Variants in AFAP1L1 observed in about 807,000 individuals in gnomAD.
The protein encoded by AFAP1L1 is actin filament-associated protein 1-like 1.
Under a neutral mutation model 99.8 loss-of-function variants are expected in AFAP1L1, and 77 were observed. That is an observed-to-expected ratio of 0.77 (90% confidence interval 0.64 to 0.93). AFAP1L1 has a LOEUF of 0.93. Ranked by LOEUF, AFAP1L1 falls within the 40% of genes least tolerant of loss-of-function variation. AFAP1L1 has a pLI of 0.00. For missense variants in AFAP1L1, 893 were observed against 996.8 expected, an observed-to-expected ratio of 0.90 and a Z score of 1.40; for synonymous variants, 373 against 395.3, an observed-to-expected ratio of 0.94 and a Z score of 0.67.
intron 15 of AFAP1L1, among the ~76,000 whole-genome samples, chr5:149,326,545 T>TAAAAAAAAAAA (rs59762007): frequency 7.7e-6 from 1 of 129,660 alleles, no homozygotes; most frequent in African/African-American, 3.0e-5. Context: ...TCGCCAAAAA[T>TAAAAAAAAAAA]AAAAAAAAAA....
intron 17 of AFAP1L1, 117 bp from the exon 18 acceptor site, chr5:149,335,477 C>CT (rs1757380231): frequency 7.4e-7 from 1 of 1,349,872 alleles, no homozygotes; most frequent in Non-Finnish European, 1.0e-6. Context: ...GACAGAGACT[C>CT]TGTCTCAAAA....
chr5:149,324,624 C>A (rs1331957748), intron 15 of AFAP1L1, among the ~76,000 whole-genome samples: 1 of 152,200 alleles, frequency 6.6e-6, no homozygotes, highest in Non-Finnish European at 1.5e-5. Flanking sequence ...GGTCAAGAAT[C>A]TCCAAATGGC....
intron 6 of AFAP1L1, among the ~76,000 whole-genome samples, chr5:149,307,195 C>T (rs546510155): frequency 2.0e-5 from 3 of 151,984 alleles, no homozygotes; most frequent in African/African-American, 4.8e-5. Context: ...TGCAGCGAGC[C>T]GAGATCACGC....
chr5:149,325,905 A>T (rs1279637906), intron 15 of AFAP1L1, among the ~76,000 whole-genome samples: 2 of 152,126 alleles, frequency 1.3e-5, no homozygotes, highest in Non-Finnish European at 2.9e-5. Flanking sequence ...CATGGCCTAA[A>T]TCACCTCTCA....
intron 9 of AFAP1L1, among the ~76,000 whole-genome samples, chr5:149,312,868 T>A (rs2127597702): frequency 6.6e-6 from 1 of 152,260 alleles, no homozygotes; most frequent in South Asian, 2.1e-4. Context: ...GGCTCACGCC[T>A]GTAATCCCAG....
chr5:149,304,423 CAG>C (rs1224671371), intron 5 of AFAP1L1: 1 of 152,228 alleles, frequency 6.6e-6, no homozygotes, highest in Non-Finnish European at 1.5e-5. Flanking sequence ...CACTCAAGGA[CAG>C]GGAACAAAGT....
At position 149,315,842 on chromosome 5, in the gene AFAP1L1, A is replaced by G; in HGVS notation, c.1042A>G (p.Thr348Ala). ...TCAGAGGCTGTCCCAAGAGAAGCAG[A>G]CCTCAGATTCTGACAGCGTGGGTGT... ...LDKRLSQEKQ[T>A]SDSDSVGVGD... The change falls in exon 10 of 19, where the codon ACC (threonine) becomes GCC (alanine). Residue 348 changes from threonine (T) to alanine (A), a missense_variant. Thr to Ala is a moderately conservative substitution (Grantham distance 58). Transcript: ENST00000296721. 1 of 1,614,070 alleles carries G rather than the reference A, an allele frequency of 6.2e-7. No individual in the cohort carries two copies. Among genetic ancestry groups the G allele is most frequent in the Non-Finnish European group, 8.5e-7 (1 of 1,180,000 alleles).
chr5:149,317,871 G>T lies in AFAP1L1; in HGVS notation c.1410G>T (p.Pro470=). ...AIALQGCEVA[P]GFGPRHPFAF... ...CCCTGCAAGGCTGTGAGGTGGCCCCGGGCTTTGGGCCCCGACACCCATTTG... is the reference window on the plus strand; with the variant it reads ...CCCTGCAAGGCTGTGAGGTGGCCCCTGGCTTTGGGCCCCGACACCCATTTG... Residue 470 remains proline (P), a synonymous_variant, in exon 12 of 19, where the codon CCG becomes CCT. Coordinates refer to ENST00000296721, the MANE Select transcript of AFAP1L1 (RefSeq NM_152406.4). 6.2e-7 allele frequency: 1 copy of T among 1,603,132 alleles called. No individual in the cohort carries two copies.
intron 1 of AFAP1L1, among the ~76,000 whole-genome samples, chr5:149,285,466 TA>T (rs1293391823): frequency 3.3e-5 from 5 of 152,190 alleles, no homozygotes; most frequent in African/African-American, 1.2e-4. Flanking sequence ...ATCTCTGTCT[TA>T]CATTGAGAAA....
Position 149,302,436 on chromosome 5 carries a change from C to T in AFAP1L1, c.346C>T (p.Pro116Ser). The T allele has an allele frequency of 6.3e-7, 1 of 1,590,270 alleles. No homozygotes were observed. Residue 116 changes from proline to serine, a missense_variant, in exon 5 of 19, where the codon CCG (proline) becomes TCG (serine). Transcript: ENST00000296721. Reference sequence around the variant, plus strand: ...CTTGCAGGCGGCCGACCTGCCTCCACCGCTCCCCAACAAGCCTCCCCCTGA... The same window carrying T: ...CTTGCAGGCGGCCGACCTGCCTCCATCGCTCCCCAACAAGCCTCCCCCTGA... ...RLRNAADLPP[P>S]LPNKPPPEDY... is the part of the protein sequence containing the mutation.
chr5:149,332,481 C>A (rs1224473414), intron 16 of AFAP1L1, among the ~76,000 whole-genome samples: 3 of 152,110 alleles, frequency 2.0e-5, no homozygotes, highest in Non-Finnish European at 4.4e-5. Context: ...GAAATAGGAA[C>A]CAGACATATG....
chr5:149,343,363 G>A lies in AFAP1L1; in HGVS notation c.*3333G>A, dbSNP rs1250071998. On this transcript the variant is annotated 3_prime_UTR_variant, in exon 19 of 19. Coordinates refer to ENST00000296721, the MANE Select transcript of AFAP1L1 (RefSeq NM_152406.4). Reference sequence around the variant, plus strand: ...AATTAAGGGACTATCCAGTAACTAAGCTGGCAACTCCAAGTGCCCTGGACC... The same window carrying A: ...AATTAAGGGACTATCCAGTAACTAAACTGGCAACTCCAAGTGCCCTGGACC... Among the ~76,000 whole-genome samples the A allele has an allele frequency of 6.6e-6, 1 of 151,670 alleles. No individual in the cohort carries two copies. The highest frequency in any genetic ancestry group is 1.5e-5 in the Non-Finnish European group (1 of 67,958).
At chr5:149,316,103 G>T (rs766419139) in intron 10 of AFAP1L1, 48 bp from the exon 11 acceptor site, 1 of 1,597,790 alleles carries the variant, frequency 6.3e-7, no homozygotes, top group Non-Finnish European at 8.6e-7. Flanking sequence ...ACTAAGGATG[G>T]GTGGGACTCA....
At chr5:149,299,362 G>C in intron 1 of AFAP1L1, 147 bp from the exon 2 acceptor site, 1 of 1,065,850 alleles carries the variant, frequency 9.4e-7, no homozygotes, top group East Asian at 2.6e-5. Flanking sequence ...GCAGGTCTGG[G>C]ACAGCTGAGA....
At position 149,301,204 on chromosome 5, in the gene AFAP1L1, C is replaced by G; in HGVS notation, c.301C>G (p.Leu101Val). Residue 101 changes from leucine (L) to valine (V), a missense_variant, in exon 4 of 19, where the codon CTA becomes GTA. Leu to Val is a conservative substitution (Grantham distance 32). Coordinates refer to ENST00000296721, the MANE Select transcript of AFAP1L1 (RefSeq NM_152406.4). ...GCCCAGCAAAGGAGCCAGCCCTGAG[C>G]TAGCCAAGAGCCCACGCCTGAGAAA... is the stretch of plus-strand genomic sequence containing the variant. Reference protein sequence around the residue: ...GEPSKGASPELAKSPRLRNAA... With the variant: ...GEPSKGASPEVAKSPRLRNAA... 2 of 1,614,068 alleles carry G rather than the reference C, an allele frequency of 1.2e-6. No homozygotes were observed. The highest frequency in any genetic ancestry group is 1.7e-6 in the Non-Finnish European group (2 of 1,179,960).
chr5:149,319,544 T>C (rs1238751175), intron 12 of AFAP1L1, 38 bp from the exon 13 acceptor site: 3 of 1,563,884 alleles, frequency 1.9e-6, no homozygotes, highest in Admixed American at 1.8e-5. Flanking sequence ...GCCCTGACAG[T>C]AGGAAAATGA....
chr5:149,310,275 CT>C, intron 8 of AFAP1L1, 140 bp downstream of exon 8: 4 of 1,058,768 alleles, frequency 3.8e-6, no homozygotes, highest in Non-Finnish European at 5.2e-6. Context: ...GTGGCTAGGG[CT>C]TATGTATGGA....
intron 15 of AFAP1L1, among the ~76,000 whole-genome samples, chr5:149,327,505 A>G (rs961016403): frequency 6.6e-6 from 1 of 152,138 alleles, no homozygotes; most frequent in Non-Finnish European, 1.5e-5. Context: ...CTATATGCTT[A>G]CTATATTATA....
chr5:149,283,720 G>A (rs932006000), intron 1 of AFAP1L1, among the ~76,000 whole-genome samples: 5 of 152,290 alleles, frequency 3.3e-5, no homozygotes, highest in East Asian at 1.9e-4. Flanking sequence ...CTTCCTGCCC[G>A]TTCTTGTTGA....
Sources: gnomAD v4.1 joint callset for allele counts (sites outside exome capture counted in the v4.1 genomes callset) on GRCh38, gnomAD v4.1.1 for gene constraint, MANE v1.5 for transcripts, NCBI Gene and HGNC (gene_info 2026-07-23, HGNC 2026-07-21) for gene names.